PCDHGB3: variants seen among roughly 807,000 people sequenced by gnomAD.
The protein encoded by PCDHGB3 is protocadherin gamma subfamily B, 3.
A neutral mutation model predicts 59.2 loss-of-function variants in PCDHGB3; 40 were observed. That is an observed-to-expected ratio of 0.68 (90% CI 0.52 to 0.88). The LOEUF is 0.88. Among genes scored for constraint, PCDHGB3 ranks in the 40% least tolerant of loss-of-function variants. The pLI is 0.00. For synonymous variants in PCDHGB3, 581 were observed against 503.6 expected (o/e 1.15, Z -2.06); for missense variants, 1,309 against 1,187.9 (o/e 1.10, Z -1.50).
At chr5:141,404,252 A>G (rs2094504105) in intron 1 of PCDHGB3, 8 of 1,613,986 alleles carry the variant, frequency 5.0e-6, no homozygotes, top group South Asian at 1.1e-5. Context: ...GCCCCTGTCC[A>G]CAGAAATTCA....
Position 141,376,087 on chromosome 5 carries a change from C to G in PCDHGB3, c.2415+3278C>G, listed in dbSNP as rs1772268954. On this transcript the variant is annotated intron_variant, in intron 1 of 3. Coordinates refer to ENST00000576222, the MANE Select transcript of PCDHGB3 (RefSeq NM_018924.5). The stretch of plus-strand genomic sequence containing the variant: ...TCACCGTGGCCGTGGCCGACAGGAT[C>G]CCCGACATCCTGGCCGACCTGGGCA... 1 of 1,613,538 alleles carries G rather than the reference C, an allele frequency of 6.2e-7. No individual in the cohort carries two copies. The highest frequency in any genetic ancestry group is 8.5e-7 in the Non-Finnish European group (1 of 1,179,934).
chr5:141,499,533 G>T (rs2099792525), intron 2 of PCDHGB3, among the ~76,000 whole-genome samples: 1 of 152,086 alleles, frequency 6.6e-6, no homozygotes, highest in African/African-American at 2.4e-5. Flanking sequence ...AGAGAGAATG[G>T]TGTCATGAAC....
At chr5:141,465,032 A>C (rs2154568703) in intron 1 of PCDHGB3, among the ~76,000 whole-genome samples, 1 of 151,870 alleles carries the variant, frequency 6.6e-6, no homozygotes, top group Admixed American at 6.6e-5. Context: ...ATGAACCACC[A>C]CAAATGACCC....
At position 141,512,523 on chromosome 5, in the gene PCDHGB3, T is replaced by A. The variant is rs1222752176; in HGVS notation, c.*1350T>A. 6.5e-6 allele frequency: 1 copy of A among 152,848 alleles called. No homozygotes were observed. The highest frequency in any genetic ancestry group is 1.5e-5 in the Non-Finnish European group (1 of 68,240). 9.5% of individuals were successfully genotyped at this position (152,848 alleles called of 1,614,324 possible). A position where few individuals can be genotyped will look rare whatever the true frequency, so the allele number is the denominator to read the frequency against. The stretch of plus-strand genomic sequence containing the variant: ...AGTGCGCCCCCTAGTGGCCATAGCC[T>A]GGTTAAAGTTCCCCAGTGCCTCCTT... On this transcript the variant is annotated 3_prime_UTR_variant, in exon 4 of 4. Transcript: ENST00000576222.
intron 3 of PCDHGB3, among the ~76,000 whole-genome samples, chr5:141,509,693 G>A (rs72790076): frequency 0.024 from 3,613 of 152,246 alleles, 55 homozygotes; most frequent in East Asian, 0.046. Flanking sequence ...ACAGTGGGAC[G>A]TTGGACTGGA....
At chr5:141,447,232 C>T (rs988057696) in intron 1 of PCDHGB3, among the ~76,000 whole-genome samples, 3 of 152,062 alleles carry the variant, frequency 2.0e-5, no homozygotes, top group East Asian at 1.9e-4. Flanking sequence ...CTCCGCCTCC[C>T]GGGTTCAAGT....
intron 1 of PCDHGB3, chr5:141,403,502 A>G: frequency 6.2e-7 from 1 of 1,613,998 alleles, no homozygotes; most frequent in Non-Finnish European, 8.5e-7. Context: ...GAACGTGCAG[A>G]CTGGAGACAA....
In PCDHGB3 at chr5:141,476,089, C is replaced by A; in HGVS notation, c.2416-18718C>A. 1 of 1,560,716 alleles carries A rather than the reference C, an allele frequency of 6.4e-7. No individual in the cohort carries two copies. The highest frequency in any genetic ancestry group is 8.6e-7 in the Non-Finnish European group (1 of 1,158,372). On this transcript the variant is annotated intron_variant, in intron 1 of 3. Coordinates refer to ENST00000576222, the MANE Select transcript of PCDHGB3 (RefSeq NM_018924.5). This position sits in a 1 kb window ranked among gnomAD's most constrained non-coding sequence, Gnocchi z 7.6. ...CGAAATCTCAGGGACGATCTGGACC[C>A]CGCTGAGAGGAACTGCTTTTGAGTG...
At chr5:141,405,795 G>T (rs2094718009) in intron 1 of PCDHGB3, among the ~76,000 whole-genome samples, 1 of 149,108 alleles carries the variant, frequency 6.7e-6, no homozygotes, top group African/African-American at 2.4e-5. Context: ...TTCTATTATA[G>T]TTAGCTTTCT....
chr5:141,389,840 C>T (rs2150401266), intron 1 of PCDHGB3: 2 of 1,614,048 alleles, frequency 1.2e-6, no homozygotes, highest in Non-Finnish European at 8.5e-7. Context: ...AGCCACCACT[C>T]TCGGCCACTG....
intron 1 of PCDHGB3, chr5:141,417,651 A>G (rs2154547111): frequency 1.2e-6 from 1 of 822,038 alleles, no homozygotes; most frequent in Non-Finnish European, 1.8e-6. Flanking sequence ...CTCAGCCTCT[A>G]GCCTGGGATT....
At chr5:141,389,325 C>T (rs368804822) in intron 1 of PCDHGB3, 6 of 1,613,886 alleles carry the variant, frequency 3.7e-6, no homozygotes, top group Admixed American at 3.3e-5. Flanking sequence ...GGACTTGGGG[C>T]CCAACGGCCA....
Position 141,487,243 on chromosome 5 carries a change from C to T in PCDHGB3, c.2416-7564C>T. 1 of 1,614,114 alleles carries T rather than the reference C, an allele frequency of 6.2e-7. No individual in the cohort carries two copies. The highest frequency in any genetic ancestry group is 8.5e-7 in the Non-Finnish European group (1 of 1,180,000). Reference sequence around the variant, plus strand: ...CAAGGGAAGGAGAATCTCGTCTAACCCTCTACTTGGCTGTGTCCCTAGTGG... The same window carrying T: ...CAAGGGAAGGAGAATCTCGTCTAACTCTCTACTTGGCTGTGTCCCTAGTGG... On this transcript the variant is annotated intron_variant, in intron 1 of 3. Coordinates refer to ENST00000576222, the MANE Select transcript of PCDHGB3 (RefSeq NM_018924.5). The surrounding 1 kb of genome is among the most constrained non-coding windows in gnomAD (Gnocchi z 5.0).
Position 141,432,830 on chromosome 5 carries a change from C to G in PCDHGB3, c.2415+60021C>G, listed in dbSNP as rs780093171. On this transcript the variant is annotated intron_variant, in intron 1 of 3. Coordinates refer to ENST00000576222, the MANE Select transcript of PCDHGB3 (RefSeq NM_018924.5). The surrounding 1 kb of genome is among the most constrained non-coding windows in gnomAD (Gnocchi z 6.0). ...TAACTCTGAAACCTCAGACCTCACT[C>G]TGTACCTGGTGGTAGCGGTGGCCGC... 4 of 1,614,208 alleles carry G rather than the reference C, an allele frequency of 2.5e-6. No individual in the cohort carries two copies. The highest frequency in any genetic ancestry group is 2.2e-5 in the East Asian group (1 of 44,874).
intron 1 of PCDHGB3, among the ~76,000 whole-genome samples, chr5:141,433,697 CGTG>C (rs1176871032): frequency 6.6e-6 from 1 of 152,020 alleles, no homozygotes; most frequent in Non-Finnish European, 1.5e-5. Context: ...ATTAGCCGGG[CGTG>C]GTGGTGCATG....
rs2099385215 is a variant in PCDHGB3 at position 141,476,099 on chromosome 5, G to A, written c.2416-18708G>A. On this transcript the variant is annotated intron_variant, in intron 1 of 3. Coordinates refer to ENST00000576222, the MANE Select transcript of PCDHGB3 (RefSeq NM_018924.5). This position sits in a 1 kb window ranked among gnomAD's most constrained non-coding sequence, Gnocchi z 7.6. ...GGGACGATCTGGACCCCGCTGAGAGGAACTGCTTTTGAGTGAGATGGTCCC... is the reference window on the plus strand; with the variant it reads ...GGGACGATCTGGACCCCGCTGAGAGAAACTGCTTTTGAGTGAGATGGTCCC... 1 of 1,574,916 alleles carries A rather than the reference G, an allele frequency of 6.3e-7. No individual in the cohort carries two copies.
Position 141,431,975 on chromosome 5 carries a change from A to G in PCDHGB3, c.2415+59166A>G. 1 of 1,614,218 alleles carries G rather than the reference A, an allele frequency of 6.2e-7. No individual in the cohort carries two copies. Among genetic ancestry groups the G allele is most frequent in the Non-Finnish European group, 8.5e-7 (1 of 1,180,022 alleles). ...TTACGGAAATTACTATAGTTTAGTC[A>G]CAGACATAGTCTTGGATAGGGAACA... On this transcript the variant is annotated intron_variant, in intron 1 of 3. Transcript: ENST00000576222. The surrounding 1 kb of genome is among the most constrained non-coding windows in gnomAD (Gnocchi z 4.8).
intron 1 of PCDHGB3, among the ~76,000 whole-genome samples, chr5:141,425,459 C>A (rs2096876834): frequency 6.6e-6 from 1 of 152,200 alleles, no homozygotes; most frequent in African/African-American, 2.4e-5. Flanking sequence ...CATCACATTT[C>A]ATGTTATTAA....
chr5:141,455,541 A>G (rs2098825752), intron 1 of PCDHGB3, among the ~76,000 whole-genome samples: 1 of 152,134 alleles, frequency 6.6e-6, no homozygotes, highest in African/African-American at 2.4e-5. Context: ...CATATCATTC[A>G]CGTAGCCCGA....
Sources: gnomAD v4.1 joint callset for allele counts (sites outside exome capture counted in the v4.1 genomes callset) on GRCh38, gnomAD v4.1.1 for gene constraint, Gnocchi (gnomAD v3.1) non-coding constraint, MANE v1.5 for transcripts, NCBI Gene and HGNC (gene_info 2026-07-23, HGNC 2026-07-21) for gene names.